The following TMC4 variants were observed in gnomAD, a reference collection of about 807,000 sequenced individuals.
TMC4 encodes voltage-gated chloride channel TMC4.
In TMC4, 70 loss-of-function variants were observed where a neutral mutation model predicts 82.0. That is an observed-to-expected ratio of 0.85 (90% CI 0.70 to 1.04). The LOEUF (loss-of-function observed/expected upper bound fraction) is 1.04. TMC4 is among the 50% of genes least tolerant of loss of function. The pLI, the probability that TMC4 is intolerant of heterozygous loss-of-function variation, is 0.00. For missense variants in TMC4, 879 were observed against 899.0 expected (o/e 0.98, Z 0.28); for synonymous variants, 446 against 406.0 (o/e 1.10, Z -1.18).
chr19:54,163,000 CAA>C (rs2075604806), intron 9 of TMC4, 31 bp downstream of exon 9: 1 of 1,614,094 alleles, frequency 6.2e-7, no homozygotes, highest in Non-Finnish European at 8.5e-7. Flanking sequence ...TTCAGGGACC[CAA>C]GAGTCCCACG....
rs778096508 is a variant in TMC4 at position 54,171,902 on chromosome 19, C to A, written c.261G>T (p.Leu87=). ...ELQDPHPSRE[L]PWPMQARRAH... The stretch of plus-strand genomic sequence containing the variant: ...CCCGTCTGGCCTGCATGGGCCAGGG[C>A]AGTTCCCGGGAAGGGTGAGGGTCCT... The change falls in exon 2 of 15, where the codon CTG becomes CTT. Residue 87 remains leucine (L), a synonymous_variant. Transcript: ENST00000619895. 2 of 1,611,566 alleles carry A rather than the reference C, an allele frequency of 1.2e-6. No homozygotes were observed. The highest frequency in any genetic ancestry group is 1.1e-5 in the South Asian group (1 of 90,726).
chr19:54,168,542 C>A lies in TMC4; in HGVS notation c.581G>T (p.Gly194Val), dbSNP rs577693697. Residue 194 changes from glycine (G) to valine (V), a missense_variant, in exon 4 of 15, where the codon GGC becomes GTC. By Grantham distance (109) the Gly-to-Val change is moderately radical. Coordinates refer to ENST00000619895, the MANE Select transcript of TMC4 (RefSeq NM_144686.4). ...GCCGCAGGGCGAGGAGATGTCGGGG[C>A]CGGGAGGGCCTGGGGGAGCGCCTCC... ...WLGGAPPGPP[G>V]PDISSPCGSY... 1 of 1,559,506 alleles carries A rather than the reference C, an allele frequency of 6.4e-7. No individual in the cohort carries two copies. The highest frequency in any genetic ancestry group is 8.7e-7 in the Non-Finnish European group (1 of 1,152,642).
chr19:54,165,442 G>C lies in TMC4; in HGVS notation c.922C>G (p.Arg308Gly). Residue 308 changes from arginine (R) to glycine (G), a missense_variant, in exon 6 of 15, where the codon CGC becomes GGC. Coordinates refer to ENST00000619895, the MANE Select transcript of TMC4 (RefSeq NM_144686.4). ...ACCTTTAATTCGTACAAGATGATGC[G>C]CTGGCGCAGCCGCACGTGGACGTCC... ...CGDVHVRLRQ[R>G]IILYELKVEL... The C allele has an allele frequency of 6.2e-7, 1 of 1,609,274 alleles. No homozygotes were observed. The highest frequency in any genetic ancestry group is 8.5e-7 in the Non-Finnish European group (1 of 1,176,652).
At chr19:54,168,088 T>G in intron 5 of TMC4, 83 bp downstream of exon 5, 1 of 1,436,028 alleles carries the variant, frequency 7.0e-7, no homozygotes, top group Non-Finnish European at 9.4e-7. Context: ...TGAGGATTCT[T>G]GGGGAGGGGG....
At position 54,162,789 on chromosome 19, in the gene TMC4, T is replaced by G. The variant is rs766942108; in HGVS notation, c.1405-19A>C. ...CCCAGCACTGAAGAAGGAAGAAATA[T>G]ATCAGAAAGAACTCGGGACCCGGGC... is the stretch of plus-strand genomic sequence containing the variant. On this transcript the variant is annotated intron_variant, in intron 9 of 14. Transcript: ENST00000619895. 4 of 1,610,088 alleles carry G rather than the reference T, an allele frequency of 2.5e-6. No homozygotes were observed. Among genetic ancestry groups the G allele is most frequent in the Non-Finnish European group, 3.4e-6 (4 of 1,176,702 alleles).
chr19:54,162,171 C>T lies in TMC4; in HGVS notation c.1617G>A (p.Gly539=). ...GGGGCAGTAAAGGGCAGAAAAAACT[C>T]CCCACCCAGACCACCGTCTGCGCGT... ...LIYAQTVVWV[G]SFFCPLLPLL... The change falls in exon 11 of 15, where the codon GGG becomes GGA. Residue 539 remains glycine (G), a synonymous_variant. Coordinates refer to ENST00000619895, the MANE Select transcript of TMC4 (RefSeq NM_144686.4). 6.2e-7 allele frequency: 1 copy of T among 1,613,808 alleles called. No homozygotes were observed. The highest frequency in any genetic ancestry group is 8.5e-7 in the Non-Finnish European group (1 of 1,179,922).
chr19:54,162,386 TGG>T (rs1484910405), intron 10 of TMC4, 101 bp from the exon 11 acceptor site: 106,939 of 349,822 alleles, frequency 0.31, 14,992 homozygotes, highest in East Asian at 0.5. Flanking sequence ...TGCGTATTGG[TGG>T]TGGGGGGGGG....
chr19:54,166,193 A>G (rs908271202), intron 5 of TMC4, among the ~76,000 whole-genome samples: 6 of 151,930 alleles, frequency 3.9e-5, no homozygotes, highest in Admixed American at 1.3e-4. Context: ...AGCCTGGCCA[A>G]TGTGGTGAAA....
At chr19:54,169,333 C>G (rs1296320717) in intron 3 of TMC4, among the ~76,000 whole-genome samples, 179 bp downstream of exon 3, 1 of 151,866 alleles carries the variant, frequency 6.6e-6, no homozygotes, top group Non-Finnish European at 1.5e-5. Flanking sequence ...CCGCGCCAGG[C>G]CCAGCCGTGC....
chr19:54,164,445 C>T lies in TMC4; in HGVS notation c.1102G>A (p.Val368Met). The T allele has an allele frequency of 2.5e-6, 4 of 1,611,736 alleles. No homozygotes were observed. The South Asian group carries it at 3.3e-5, about 13-fold the overall frequency. The change falls in exon 7 of 15, where the codon GTG becomes ATG. Residue 368 changes from valine to methionine, a missense_variant. By Grantham distance (21) the Val-to-Met change is conservative (BLOSUM62 1). Coordinates refer to ENST00000619895, the MANE Select transcript of TMC4 (RefSeq NM_144686.4). ...YGVYWATGCT[V>M]ELQEMPLVQE... ...AAGACCGTCCGCACCTGCAGCTCCA[C>T]GGTGCACCCCGTAGCCCAGTAGACG...
At chr19:54,167,242 G>A (rs1006866085) in intron 5 of TMC4, among the ~76,000 whole-genome samples, 1 of 152,040 alleles carries the variant, frequency 6.6e-6, no homozygotes. Context: ...CTAGCCGGGT[G>A]ACAGAGTGAG....
rs1410199014 is a variant in TMC4, at chr19:54,161,267, G to A, written c.1687-7C>T. The A allele has an allele frequency of 1.3e-6, 2 of 1,517,912 alleles. No individual in the cohort carries two copies. Among genetic ancestry groups the A allele is most frequent in the African/African-American group, 2.8e-5 (2 of 71,494 alleles). The allele number at this position is 1,517,912 out of a possible 1,614,324, so 94.0% of individuals were successfully genotyped here. ...AGGTGGAGAAGAGGGTAAGCTGGTG[G>A]GGGAAGGCACGGAGAAAAGGGCTCT... On this transcript the variant is annotated splice_polypyrimidine_tract_variant and splice_region_variant and intron_variant, in intron 11 of 14. Coordinates refer to ENST00000619895, the MANE Select transcript of TMC4 (RefSeq NM_144686.4).
rs2075521472 is a variant in TMC4 at position 54,160,692 on chromosome 19, G to A, written c.1974-147C>T. 6.2e-6 allele frequency: 9 copies of A among 1,456,898 alleles called. No homozygotes were observed. The East Asian group carries it at 2.2e-4, about 36-fold the overall frequency. 90.2% of individuals were successfully genotyped at this position (1,456,898 alleles called of 1,614,324 possible). On this transcript the variant is annotated intron_variant, in intron 13 of 14. Transcript: ENST00000619895. ...CAGTCTCCCAGCCCCTCCGCCTTCAGATCCAGGAGTCCTACGTCCCGCCCA... is the reference window on the plus strand; with the variant it reads ...CAGTCTCCCAGCCCCTCCGCCTTCAAATCCAGGAGTCCTACGTCCCGCCCA...
chr19:54,163,423 G>A (rs1442138269), intron 8 of TMC4, among the ~76,000 whole-genome samples: 1 of 149,352 alleles, frequency 6.7e-6, no homozygotes, highest in Non-Finnish European at 1.5e-5. Flanking sequence ...CCATTCTCCT[G>A]CCTCAGCCTC....
intron 5 of TMC4, among the ~76,000 whole-genome samples, chr19:54,167,483 C>T (rs547905506): frequency 6.4e-4 from 97 of 151,570 alleles, no homozygotes; most frequent in Non-Finnish European, 1.1e-3. Flanking sequence ...CGCTTGAACC[C>T]GGGAGGTGGA....
chr19:54,167,157 C>T (rs143356572), intron 5 of TMC4, among the ~76,000 whole-genome samples: 1 of 151,898 alleles, frequency 6.6e-6, no homozygotes, highest in African/African-American at 2.4e-5. Flanking sequence ...CAGCTGCTCC[C>T]GAGGCTGAGG....
chr19:54,163,985 T>C (rs2075637347), intron 7 of TMC4, 98 bp from the exon 8 acceptor site: 2 of 1,326,612 alleles, frequency 1.5e-6, no homozygotes, highest in Non-Finnish European at 2.0e-6. Flanking sequence ...TTCTTTTTTT[T>C]TTTTTTTGAG....
intron 2 of TMC4, among the ~76,000 whole-genome samples, chr19:54,170,376 A>C (rs1290213506): frequency 2.7e-5 from 4 of 149,818 alleles, no homozygotes; most frequent in Non-Finnish European, 5.9e-5. Context: ...GTTACCTTGT[A>C]TTTGTGAGGA....
At chr19:54,167,528 C>T (rs1463567412) in intron 5 of TMC4, among the ~76,000 whole-genome samples, 1 of 151,032 alleles carries the variant, frequency 6.6e-6, no homozygotes, top group African/African-American at 2.4e-5. Flanking sequence ...CATTGCACTC[C>T]AGCCTGGGCG....
Sources: allele counts gnomAD v4.1 joint callset (sites outside exome capture counted in the v4.1 genomes callset), GRCh38; gene constraint gnomAD v4.1.1; transcripts MANE v1.5; gene names NCBI Gene and HGNC (gene_info 2026-07-23, HGNC 2026-07-21).